The following NAV3 variants were observed in gnomAD, a reference collection of about 807,000 sequenced individuals.
The protein encoded by NAV3 is pore membrane and/or filament interacting like protein 1.
NAV3 carries 87 observed loss-of-function variants against 244.7 expected under a neutral mutation model. The observed-to-expected ratio is 0.36, with a 90% CI of 0.30 to 0.42. The LOEUF (loss-of-function observed/expected upper bound fraction) is 0.42. Among genes scored for constraint, NAV3 ranks in the 20% least tolerant of loss-of-function variants. The pLI is 1.00. For missense variants in NAV3, 2,663 were observed against 2,893.3 expected (o/e 0.92, Z 1.83); for synonymous variants, 1,126 against 1,042.2 (o/e 1.08, Z -1.55).
At chr12:77,999,920 A>G (rs1489175081) in intron 7 of NAV3, among the ~76,000 whole-genome samples, 1 of 152,226 alleles carries the variant, frequency 6.6e-6, no homozygotes, top group Non-Finnish European at 1.5e-5. Context: ...GATGTGTTAA[A>G]TAGACTACCA....
chr12:77,701,572 T>G (rs900800528), intron 2 of NAV3, among the ~76,000 whole-genome samples: 2 of 151,976 alleles, frequency 1.3e-5, no homozygotes, highest in Non-Finnish European at 2.9e-5. Flanking sequence ...AGTTAGAAAC[T>G]TCAGTTAGAA....
intron 2 of NAV3, among the ~76,000 whole-genome samples, chr12:77,592,435 T>G (rs1384996292): frequency 6.6e-6 from 1 of 152,188 alleles, no homozygotes; most frequent in African/African-American, 2.4e-5. Flanking sequence ...TAAGCCTTTT[T>G]ATGGCTCAAG....
chr12:77,889,318 C>A (rs1883667324), intron 1 of NAV3, among the ~76,000 whole-genome samples: 1 of 152,182 alleles, frequency 6.6e-6, no homozygotes, highest in South Asian at 2.1e-4. Context: ...CCTGGGACTG[C>A]AGCTTGCACC....
Position 78,188,797 on chromosome 12 carries a change from G to A in NAV3, c.6055+20G>A, listed in dbSNP as rs1235215321. The A allele has an allele frequency of 1.9e-6, 3 of 1,604,340 alleles. No homozygotes were observed. The highest frequency in any genetic ancestry group is 1.3e-5 in the African/African-American group (1 of 74,564). On this transcript the variant is annotated intron_variant, in intron 33 of 39. Coordinates refer to ENST00000397909, the MANE Select transcript of NAV3 (RefSeq NM_001024383.2). ...TCAAAGGTAAAAGCAATAATGAAAA[G>A]CAAGGCAGAAATATAATTTTTAGCA...
chr12:77,979,712 G>GAAA (rs150656996), intron 5 of NAV3, among the ~76,000 whole-genome samples: 3 of 121,650 alleles, frequency 2.5e-5, no homozygotes, highest in African/African-American at 6.0e-5. Context: ...AAAAAAAAAA[G>GAAA]AAAAAAAAAA....
intron 2 of NAV3, among the ~76,000 whole-genome samples, chr12:77,647,590 C>T (rs1232730090): frequency 6.6e-6 from 1 of 151,744 alleles, no homozygotes; most frequent in African/African-American, 2.4e-5. Context: ...CTTGAAAAGA[C>T]CAGTGAACAA....
chr12:78,020,924 T>G (rs1877045134), intron 8 of NAV3, among the ~76,000 whole-genome samples: 1 of 152,128 alleles, frequency 6.6e-6, no homozygotes, highest in Non-Finnish European at 1.5e-5. Flanking sequence ...TTACCTCGCC[T>G]CCTTCTGTGT....
At chr12:77,933,865 A>G (rs1357211910) in intron 1 of NAV3, among the ~76,000 whole-genome samples, 2 of 152,210 alleles carry the variant, frequency 1.3e-5, no homozygotes, top group African/African-American at 4.8e-5. Flanking sequence ...TTGTGTCTTA[A>G]TCCCACACTG....
In NAV3 at chr12:77,676,253, C is replaced by A. The variant is rs190411983; in HGVS notation, c.72+103987C>A. 6.2e-4 allele frequency among the ~76,000 whole-genome samples: 94 copies of A among 152,100 alleles called. 1 individual carries two copies. Among genetic ancestry groups the A allele is most frequent in the Admixed American group, 2.6e-3 (40 of 15,256 alleles). On this transcript the variant is annotated intron_variant, in intron 2 of 8. Transcript: ENST00000550042. ...TAATGCTCTCCCTTCCCTTGCCCCC[C>A]ACCCACCAACAGGCCCCATTGTGCT...
rs2137485008 is a variant in NAV3, at chr12:77,941,120, G to A, written c.401G>A (p.Ser134Asn). The part of the protein sequence containing the change: ...KVEDINGCPR[S>N]QSQMIENVDV... ...GAAGATATCAATGGATGTCCTAGAA[G>A]TCAGTCTCAGATGGTAAGAATCATA... Residue 134 changes from serine (S) to asparagine (N), a missense_variant, in exon 3 of 40, where the codon AGT becomes AAT. By Grantham distance (46) the Ser-to-Asn change is conservative. This residue lies in a region of NAV3 where 1,521 missense variants were observed against 1,497.0 expected (regional missense o/e 1.02). Coordinates refer to ENST00000397909, the MANE Select transcript of NAV3 (RefSeq NM_001024383.2). The A allele has an allele frequency of 6.4e-7, 1 of 1,572,188 alleles. No homozygotes were observed. The highest frequency in any genetic ancestry group is 1.8e-5 in the Admixed American group (1 of 56,754).
intron 1 of NAV3, among the ~76,000 whole-genome samples, chr12:77,895,298 G>A (rs1592925395): frequency 7.9e-6 from 1 of 126,630 alleles, no homozygotes; most frequent in African/African-American, 3.1e-5. Flanking sequence ...TTTAAAATAG[G>A]TTTAGAATGA....
rs936009870 is a variant in NAV3, at chr12:77,706,451, C to T, written c.72+134185C>T. Reference sequence around the variant, plus strand: ...GCCTTCAATCCACTATTGAGACCTACGTTGAAACTCTACTTTTCATGTGTA... The same window carrying T: ...GCCTTCAATCCACTATTGAGACCTATGTTGAAACTCTACTTTTCATGTGTA... On this transcript the variant is annotated intron_variant, in intron 2 of 8. Coordinates refer to the NAV3 transcript ENST00000550042. Among the ~76,000 whole-genome samples, 47 of 151,450 alleles carry T rather than the reference C, an allele frequency of 3.1e-4. 3 individuals are homozygous for T. The highest frequency in any genetic ancestry group is 1.0e-3 in the African/African-American group (41 of 40,886).
At chr12:77,954,468 G>A (rs1891180574) in intron 3 of NAV3, among the ~76,000 whole-genome samples, 1 of 152,176 alleles carries the variant, frequency 6.6e-6, no homozygotes, top group Non-Finnish European at 1.5e-5. Flanking sequence ...CATTAATTGT[G>A]TAAGCTTATA....
At chr12:78,184,716 T>C (rs1017216785) in intron 30 of NAV3, among the ~76,000 whole-genome samples, 1 of 151,808 alleles carries the variant, frequency 6.6e-6, no homozygotes, top group Admixed American at 6.6e-5. Flanking sequence ...TATAAATTTA[T>C]TGTCAGAGCA....
chr12:78,176,327 G>T, intron 25 of NAV3, 112 bp from the exon 26 acceptor site: 1 of 1,031,996 alleles, frequency 9.7e-7, no homozygotes, highest in South Asian at 1.8e-5. Context: ...TACAAATAAT[G>T]AAAGAAATAT....
intron 8 of NAV3, among the ~76,000 whole-genome samples, chr12:78,011,858 G>A (rs958738345): frequency 7.6e-4 from 116 of 152,244 alleles, no homozygotes; most frequent in African/African-American, 2.6e-3. Context: ...GGTGGAAGAC[G>A]AAGAGGAAGC....
In NAV3 at chr12:78,197,384, T is replaced by A. The variant is rs768947918; in HGVS notation, c.6429T>A (p.Asn2143Lys). Residue 2143 changes from asparagine to lysine, a missense_variant, in exon 35 of 40, where the codon AAT (asparagine) becomes AAA (lysine). Physicochemically the swap from Asn to Lys is moderately conservative, Grantham distance 94 (BLOSUM62 0). Transcript: ENST00000397909. ...SLSDIFNGFL[N>K]CKYNKCPYII... ...GTGATATCTTCAATGGTTTTCTCAA[T>A]TGTAAATACAACAAATGGTATGCTT... 6.3e-7 allele frequency: 1 copy of A among 1,596,626 alleles called. No individual in the cohort carries two copies. The highest frequency in any genetic ancestry group is 1.7e-5 in the Admixed American group (1 of 58,450).
intron 23 of NAV3, among the ~76,000 whole-genome samples, chr12:78,166,434 G>A (rs1262358064): frequency 4.8e-4 from 72 of 151,552 alleles, no homozygotes; most frequent in Admixed American, 4.7e-3. Flanking sequence ...TTTAATCAAA[G>A]ACTATGGAAT....
intron 2 of NAV3, among the ~76,000 whole-genome samples, chr12:77,693,430 T>C (rs975117347): frequency 1.3e-5 from 2 of 151,762 alleles, no homozygotes; most frequent in Non-Finnish European, 2.9e-5. Context: ...AATCATTTGC[T>C]CCAACATCCC....
Sources: allele counts gnomAD v4.1 joint callset (sites outside exome capture counted in the v4.1 genomes callset), GRCh38; gene constraint gnomAD v4.1.1; regional missense constraint gnomAD v4.1.1; transcripts MANE v1.5; gene names NCBI Gene and HGNC (gene_info 2026-07-23, HGNC 2026-07-21).